FBXW12: variants seen among roughly 807,000 people sequenced by gnomAD.
FBXW12 encodes F-box/WD repeat-containing protein 12.
In FBXW12, 43 loss-of-function variants were observed where a neutral mutation model predicts 55.3. The observed-to-expected ratio is 0.78, with a 90% CI of 0.61 to 1.00. FBXW12 has a LOEUF of 1.00. FBXW12 is among the 50% of genes least tolerant of loss of function. The pLI is 0.00. For missense variants in FBXW12, 524 were observed against 560.5 expected, an observed-to-expected ratio of 0.93 and a Z score of 0.66; for synonymous variants, 184 against 203.8, an observed-to-expected ratio of 0.90 and a Z score of 0.83.
chr3:48,391,775 T>C (rs544069108), intron 10 of FBXW12, among the ~76,000 whole-genome samples: 38 of 152,314 alleles, frequency 2.5e-4, no homozygotes, highest in Admixed American at 1.2e-3. Flanking sequence ...ATTCTGTTTA[T>C]GTGGGGAATC....
chr3:48,389,709 C>A (rs932548332), intron 10 of FBXW12, among the ~76,000 whole-genome samples: 1 of 152,150 alleles, frequency 6.6e-6, no homozygotes, highest in Non-Finnish European at 1.5e-5. Context: ...GTCCCACTTA[C>A]CGATTTTTGT....
Position 48,381,676 on chromosome 3 carries a change from T to C in FBXW12, c.986-24T>C, listed in dbSNP as rs766714738. 3.3e-6 allele frequency: 5 copies of C among 1,538,054 alleles called. No individual in the cohort carries two copies. The South Asian group carries it at 6.4e-5, about 20-fold the overall frequency. On this transcript the variant is annotated intron_variant, in intron 8 of 10. Transcript: ENST00000296438. Reference sequence around the variant, plus strand: ...ACTTCCTTATGTGTGTGTGTATATATATGTGCGTTTTACATGAAAACAGCA... The same window carrying C: ...ACTTCCTTATGTGTGTGTGTATATACATGTGCGTTTTACATGAAAACAGCA...
chr3:48,382,172 A>C, intron 10 of FBXW12, 87 bp downstream of exon 10: 1 of 1,458,520 alleles, frequency 6.9e-7, no homozygotes, highest in Non-Finnish European at 9.4e-7. Flanking sequence ...GCTGTAGTGC[A>C]GTGGCGTGAT....
At chr3:48,378,585 G>T (rs759336199) in intron 6 of FBXW12, 59 bp downstream of exon 6, 11 of 1,381,126 alleles carry the variant, frequency 8.0e-6, no homozygotes, top group Middle Eastern at 4.7e-4. Flanking sequence ...GTCTTGTCAG[G>T]CATCCGTGTC....
Position 48,375,921 on chromosome 3 carries a change from T to C in FBXW12, c.405+449T>C, listed in dbSNP as rs187214362. Among the ~76,000 whole-genome samples the C allele has an allele frequency of 3.3e-5, 5 of 149,708 alleles. No individual in the cohort carries two copies. The East Asian group carries it at 9.9e-4, about 30-fold the overall frequency. ...CGATCTCCTGACCTTGTGATCCGCC[T>C]ACCTTGGGCTTCCAAAGTGCTGAGA... On this transcript the variant is annotated intron_variant, in intron 5 of 10. Transcript: ENST00000296438.
rs2036714421 is a variant in FBXW12 at position 48,378,367 on chromosome 3, G to T, written c.456G>T (p.Leu152=). The T allele has an allele frequency of 5.0e-6, 8 of 1,613,894 alleles. No individual in the cohort carries two copies. In the East Asian group the frequency reaches 1.8e-4, roughly 36 times the overall value. ...TCCAGGAGTTCCATTTCTCAAATCT[G>T]GTAACCCTCCCTCAGATGCATCTCG... ...SPVQEFHFSN[L]VTLPQMHLAI... Residue 152 remains leucine (L), a synonymous_variant, in exon 6 of 11, where the codon CTG becomes CTT. Coordinates refer to ENST00000296438, the MANE Select transcript of FBXW12 (RefSeq NM_207102.2).
At chr3:48,382,860 A>G (rs997241888) in intron 10 of FBXW12, among the ~76,000 whole-genome samples, 7 of 152,214 alleles carry the variant, frequency 4.6e-5, no homozygotes, top group Non-Finnish European at 8.8e-5. Context: ...TTTTTTGGCA[A>G]CATCTAAGAA....
intron 6 of FBXW12, 133 bp downstream of exon 6, chr3:48,378,659 G>C: frequency 1.4e-6 from 1 of 711,636 alleles, no homozygotes. Context: ...CTGTTGCTCA[G>C]GCTGGAGTGC....
intron 10 of FBXW12, among the ~76,000 whole-genome samples, chr3:48,385,048 T>C (rs2106644734): frequency 6.6e-6 from 1 of 152,308 alleles, no homozygotes; most frequent in South Asian, 2.1e-4. Context: ...CACCATGCTG[T>C]GCCACAGATC....
chr3:48,376,243 A>G (rs2036684350), intron 5 of FBXW12, among the ~76,000 whole-genome samples: 1 of 152,006 alleles, frequency 6.6e-6, no homozygotes, highest in Non-Finnish European at 1.5e-5. Context: ...CAGCCTCCCA[A>G]AGTGCTGGGA....
In FBXW12 at chr3:48,375,457, C is replaced by G; in HGVS notation, c.390C>G (p.Ala130=). 6.2e-7 allele frequency: 1 copy of G among 1,602,604 alleles called. No homozygotes were observed. The highest frequency in any genetic ancestry group is 8.5e-7 in the Non-Finnish European group (1 of 1,173,310). The change falls in exon 5 of 11, where the codon GCC becomes GCG. Residue 130 remains alanine, a synonymous_variant. Coordinates refer to ENST00000296438, the MANE Select transcript of FBXW12 (RefSeq NM_207102.2). The part of the protein sequence containing the change: ...CSVSPKQELC[A]WDVQEGTMIW... ...TATCTCCAAAGCAAGAGCTTTGTGC[C>G]TGGGATGTGCAAGAGGTGAGTCTGG... is the stretch of plus-strand genomic sequence containing the variant.
chr3:48,385,821 GT>G (rs151203377), intron 10 of FBXW12, among the ~76,000 whole-genome samples: 2,420 of 152,176 alleles, frequency 0.016, 54 homozygotes, highest in African/African-American at 0.052. Flanking sequence ...GCCATTTTAT[GT>G]TTTCTGTGGA....
In FBXW12 at chr3:48,382,018, G is replaced by A. The variant is rs777350839; in HGVS notation, c.1228G>A (p.Gly410Ser). The A allele has an allele frequency of 1.9e-6, 3 of 1,614,052 alleles. No homozygotes were observed. The African/African-American group carries it at 4.0e-5, about 22-fold the overall frequency. The change falls in exon 10 of 11, where the codon GGC (glycine) becomes AGC (serine). Residue 410 changes from glycine (G) to serine (S), a missense_variant. Gly to Ser is a moderately conservative substitution (Grantham distance 56, BLOSUM62 0). Transcript: ENST00000296438. Reference protein sequence around the residue: ...SVHVYMWEEGGRHPYLRSCCH... With the variant: ...SVHVYMWEEGSRHPYLRSCCH... Reference sequence around the variant, plus strand: ...GCACGTGTACATGTGGGAAGAAGGAGGCCGCCATCCATACCTCAGGAGCTG... The same window carrying A: ...GCACGTGTACATGTGGGAAGAAGGAAGCCGCCATCCATACCTCAGGAGCTG...
Position 48,381,952 on chromosome 3 carries a change from A to G in FBXW12, c.1165-3A>G. 1 of 1,614,090 alleles carries G rather than the reference A, an allele frequency of 6.2e-7. No individual in the cohort carries two copies. The highest frequency in any genetic ancestry group is 8.5e-7 in the Non-Finnish European group (1 of 1,180,002). ...GGCCACTCACTCTGGCTATCCTTGG[A>G]AGGATCCTTGCTATGTGCTCACCAC... On this transcript the variant is annotated splice_region_variant and splice_polypyrimidine_tract_variant and intron_variant, in intron 9 of 10. Coordinates refer to ENST00000296438, the MANE Select transcript of FBXW12 (RefSeq NM_207102.2).
At chr3:48,388,190 C>G (rs1461132468) in intron 10 of FBXW12, among the ~76,000 whole-genome samples, 1 of 152,110 alleles carries the variant, frequency 6.6e-6, no homozygotes, top group East Asian at 1.9e-4. Flanking sequence ...TTTTGTCACC[C>G]AAGATATGCT....
At chr3:48,376,801 T>C (rs775226767) in intron 5 of FBXW12, among the ~76,000 whole-genome samples, 30 of 152,216 alleles carry the variant, frequency 2.0e-4, no homozygotes, top group Non-Finnish European at 4.3e-4. Context: ...AAGATCTTTC[T>C]TGGGCCTTGA....
At chr3:48,384,930 A>G (rs1229336882) in intron 10 of FBXW12, among the ~76,000 whole-genome samples, 1 of 152,216 alleles carries the variant, frequency 6.6e-6, no homozygotes, top group Non-Finnish European at 1.5e-5. Flanking sequence ...GAATGATTAA[A>G]TCAAGCTAAT....
intron 10 of FBXW12, among the ~76,000 whole-genome samples, chr3:48,393,254 C>T (rs951633092): frequency 6.6e-6 from 1 of 152,136 alleles, no homozygotes; most frequent in African/African-American, 2.4e-5. Context: ...CCTTGGCCTC[C>T]CAAAGTGCTG....
chr3:48,391,317 T>TACACAC (rs140067012), intron 10 of FBXW12, among the ~76,000 whole-genome samples: 4,611 of 133,090 alleles, frequency 0.035, 273 homozygotes, highest in African/African-American at 0.12. Context: ...TATCTATCTA[T>TACACAC]ACACACACAC....
Sources: gnomAD v4.1 joint callset for allele counts (sites outside exome capture counted in the v4.1 genomes callset) on GRCh38, gnomAD v4.1.1 for gene constraint, MANE v1.5 for transcripts, NCBI Gene and HGNC (gene_info 2026-07-23, HGNC 2026-07-21) for gene names.